MEI4: variants seen among roughly 807,000 people sequenced by gnomAD.
The protein encoded by MEI4 is meiosis-specific protein MEI4.
Under a neutral mutation model 31.4 loss-of-function variants are expected in MEI4, and 27 were observed. That is an observed-to-expected ratio of 0.86 (90% CI 0.63 to 1.19). The LOEUF (loss-of-function observed/expected upper bound fraction) is 1.19, where lower values mean the gene tolerates loss of function less well. Among genes scored for constraint, MEI4 ranks in the 50% most tolerant of loss-of-function variants. MEI4 has a pLI of 0.00. For synonymous variants in MEI4, 122 were observed against 145.4 expected (o/e 0.84, Z 1.16); for missense variants, 329 against 398.9 (o/e 0.82, Z 1.49).
intron 4 of MEI4, among the ~76,000 whole-genome samples, chr6:77,876,763 T>A (rs1387709051): frequency 6.6e-6 from 1 of 152,184 alleles, no homozygotes; most frequent in Non-Finnish European, 1.5e-5. Context: ...TCAATCTGTT[T>A]ATTAATTAAA....
chr6:77,682,302 G>T (rs1336224812), intron 1 of MEI4, among the ~76,000 whole-genome samples: 1 of 152,092 alleles, frequency 6.6e-6, no homozygotes, highest in Non-Finnish European at 1.5e-5. Context: ...TTTAGAGTAG[G>T]TCTCACATAA....
rs2127744016 is a variant in MEI4 at position 77,923,881 on chromosome 6, CTTAATTGCTTT to C, written c.*539_*549del. On this transcript the variant is annotated 3_prime_UTR_variant, in exon 5 of 5. Coordinates refer to ENST00000684080, the MANE Select transcript of MEI4 (RefSeq NM_001322247.2). ...GTAGAACTTTTTTAACATTTGGAAA[CTTAATTGCTTT>C]TTATTTATTTCAATTTCATATGGCT... The C allele has an allele frequency of 6.6e-6, 1 of 151,806 alleles. No individual in the cohort carries two copies. The highest frequency in any genetic ancestry group is 2.1e-4 in the South Asian group (1 of 4,822). 9.4% of individuals were successfully genotyped at this position (151,806 alleles called of 1,614,324 possible).
At chr6:77,768,751 C>T (rs570468165) in intron 3 of MEI4, among the ~76,000 whole-genome samples, 1 of 151,872 alleles carries the variant, frequency 6.6e-6, no homozygotes, top group Non-Finnish European at 1.5e-5. Flanking sequence ...AAGGAAGGTC[C>T]TGTTCTGTGG....
intron 2 of MEI4, among the ~76,000 whole-genome samples, chr6:77,703,934 T>G (rs1474594542): frequency 6.6e-6 from 1 of 151,572 alleles, no homozygotes; most frequent in Non-Finnish European, 1.5e-5. Flanking sequence ...AGGGCGGGGG[T>G]TGGTAGTTGA....
intron 1 of MEI4, among the ~76,000 whole-genome samples, chr6:77,663,534 G>T (rs1223314309): frequency 6.6e-6 from 1 of 152,090 alleles, no homozygotes; most frequent in Non-Finnish European, 1.5e-5. Context: ...GCCTAATAAG[G>T]GAACTGGGCA....
chr6:77,838,685 T>C (rs1770283109), intron 4 of MEI4, among the ~76,000 whole-genome samples: 1 of 152,120 alleles, frequency 6.6e-6, no homozygotes, highest in Non-Finnish European at 1.5e-5. Flanking sequence ...GTGGATCACC[T>C]GAGGTCAGGA....
At chr6:77,789,969 G>A (rs1218818730) in intron 3 of MEI4, among the ~76,000 whole-genome samples, 6 of 151,998 alleles carry the variant, frequency 3.9e-5, no homozygotes, top group African/African-American at 9.7e-5. Flanking sequence ...TGTTTATTGC[G>A]GCACTATTCA....
intron 4 of MEI4, among the ~76,000 whole-genome samples, chr6:77,857,790 A>G (rs754327229): frequency 4.6e-5 from 7 of 152,168 alleles, no homozygotes; most frequent in African/African-American, 9.7e-5. Flanking sequence ...TTGAAATCCA[A>G]CAGTTGGTGA....
intron 2 of MEI4, among the ~76,000 whole-genome samples, chr6:77,697,888 T>G (rs1766096242): frequency 6.6e-6 from 1 of 152,148 alleles, no homozygotes; most frequent in South Asian, 2.1e-4. Flanking sequence ...CCATTATTAT[T>G]GTGTGGGAGA....
chr6:77,913,810 G>T (rs564592496), intron 4 of MEI4, among the ~76,000 whole-genome samples: 63 of 151,478 alleles, frequency 4.2e-4, no homozygotes, highest in Non-Finnish European at 7.2e-4. Context: ...AAGGCAGGCA[G>T]ATCACGAGGT....
At chr6:77,701,050 A>T (rs1222703541) in intron 2 of MEI4, among the ~76,000 whole-genome samples, 1 of 152,236 alleles carries the variant, frequency 6.6e-6, no homozygotes, top group East Asian at 1.9e-4. Flanking sequence ...GGTATGGTTA[A>T]TCATCTTCCT....
chr6:77,899,911 C>T (rs955368582), intron 4 of MEI4, among the ~76,000 whole-genome samples: 5 of 145,880 alleles, frequency 3.4e-5, no homozygotes, highest in African/African-American at 1.3e-4. Flanking sequence ...AATGTAAAAC[C>T]TGAAATTATG....
chr6:77,686,062 C>T (rs938857024), intron 1 of MEI4, among the ~76,000 whole-genome samples: 9 of 151,996 alleles, frequency 5.9e-5, no homozygotes, highest in Non-Finnish European at 1.0e-4. Context: ...CTGGGACCTC[C>T]CTCCCTTTCT....
At chr6:77,733,572 A>C (rs1277736147) in intron 2 of MEI4, among the ~76,000 whole-genome samples, 1 of 152,000 alleles carries the variant, frequency 6.6e-6, no homozygotes, top group East Asian at 1.9e-4. Context: ...TCATTTCAAA[A>C]AACCAGCTCC....
At chr6:77,879,290 C>G (rs953808718) in intron 4 of MEI4, among the ~76,000 whole-genome samples, 1 of 152,072 alleles carries the variant, frequency 6.6e-6, no homozygotes, top group Non-Finnish European at 1.5e-5. Context: ...TTCTTCATTT[C>G]TAAAACTGAG....
At chr6:77,868,931 G>C (rs1351385608) in intron 4 of MEI4, among the ~76,000 whole-genome samples, 3 of 152,002 alleles carry the variant, frequency 2.0e-5, no homozygotes. Flanking sequence ...CAGCACCCAT[G>C]GTTCATACGG....
intron 2 of MEI4, 115 bp downstream of exon 2, chr6:77,691,018 G>A (rs1265102202): frequency 1.1e-5 from 5 of 468,726 alleles, no homozygotes; most frequent in African/African-American, 2.0e-5. Flanking sequence ...ATGAAAGCTC[G>A]ACATCTTCTA....
At chr6:77,684,660 A>G (rs916857911) in intron 1 of MEI4, among the ~76,000 whole-genome samples, 4 of 147,436 alleles carry the variant, frequency 2.7e-5, no homozygotes, top group Non-Finnish European at 4.5e-5. Flanking sequence ...GGTTCCATCC[A>G]TGTTGTTGCA....
chr6:77,794,192 C>A (rs1366171110), intron 3 of MEI4, among the ~76,000 whole-genome samples: 6 of 152,136 alleles, frequency 3.9e-5, no homozygotes, highest in Non-Finnish European at 1.5e-5. Context: ...TCTAAACTGA[C>A]ACAGACACAA....
Sources: gnomAD v4.1 joint callset for allele counts (sites outside exome capture counted in the v4.1 genomes callset) on GRCh38, gnomAD v4.1.1 for gene constraint, MANE v1.5 for transcripts, NCBI Gene and HGNC (gene_info 2026-07-23, HGNC 2026-07-21) for gene names.